TENM2: variants seen among roughly 807,000 people sequenced by gnomAD.
The protein encoded by TENM2 is teneurin transmembrane protein 2.
A neutral mutation model predicts 245.2 loss-of-function variants in TENM2; 52 were observed. The observed-to-expected ratio is 0.21, with a 90% CI of 0.17 to 0.27. The LOEUF is 0.27. TENM2 is among the 10% of genes least tolerant of loss of function. The pLI, the probability that TENM2 is intolerant of heterozygous loss-of-function variation, is 1.00. For synonymous variants in TENM2, 1,363 were observed against 1,438.9 expected, an observed-to-expected ratio of 0.95 and a Z score of 1.19; for missense variants, 3,046 against 3,666.8, an observed-to-expected ratio of 0.83 and a Z score of 4.37.
chr5:168,251,355 C>T (rs907765672), intron 27 of TENM2, among the ~76,000 whole-genome samples: 1 of 152,152 alleles, frequency 6.6e-6, no homozygotes, highest in African/African-American at 2.4e-5. Context: ...TTTCTCATTC[C>T]GGTGTTTCAT....
intron 1 of TENM2, chr5:167,287,551 A>G (rs1311888059): frequency 6.6e-6 from 1 of 152,212 alleles, no homozygotes; most frequent in African/African-American, 2.4e-5. Context: ...GTGGAAAAGA[A>G]TTGCCAGCCA....
chr5:167,975,705 A>C (rs1038181294), intron 4 of TENM2, among the ~76,000 whole-genome samples: 1 of 152,174 alleles, frequency 6.6e-6, no homozygotes, highest in Non-Finnish European at 1.5e-5. Context: ...GCTATTACAC[A>C]AACAAAGAAA....
At chr5:167,456,051 A>G (rs1022729342) in intron 2 of TENM2, among the ~76,000 whole-genome samples, 2 of 152,190 alleles carry the variant, frequency 1.3e-5, no homozygotes, top group Non-Finnish European at 2.9e-5. Flanking sequence ...AGGGACTATC[A>G]TGCTCTAAAT....
chr5:167,099,093 A>C, the TENM2 span, among the ~76,000 whole-genome samples: 1 of 152,328 alleles, frequency 6.6e-6, no homozygotes, highest in East Asian at 1.9e-4. Flanking sequence ...AACAGTGTGG[A>C]ATATGAAGCC....
the TENM2 span, among the ~76,000 whole-genome samples, chr5:167,237,002 A>G: frequency 6.6e-6 from 1 of 151,978 alleles, no homozygotes; most frequent in African/African-American, 2.4e-5. Context: ...TGTCAGAAAC[A>G]TCTCCTCTTA....
In TENM2 at chr5:168,090,675, G is replaced by A. The variant is rs777364645; in HGVS notation, c.1617G>A (p.Val539=). 1.1e-5 allele frequency: 18 copies of A among 1,613,800 alleles called. No homozygotes were observed. In the East Asian group the frequency reaches 4.0e-4, roughly 36 times the overall value. ...AGACCTTGGTTCAGAATGAAGCCGT[G>A]TTTGTGCAGTACCTGGATGTGGGCC... Residue 539 remains valine, a synonymous_variant, in exon 8 of 29, where the codon GTG becomes GTA. Coordinates refer to ENST00000518659, the Ensembl canonical transcript of TENM2.
chr5:168,017,479 C>T (rs534893488), intron 5 of TENM2, among the ~76,000 whole-genome samples: 1 of 152,336 alleles, frequency 6.6e-6, no homozygotes, highest in East Asian at 1.9e-4. Context: ...ATGTCCTTTG[C>T]TCACTTTATT....
chr5:167,899,997 G>A (rs1403805199), intron 3 of TENM2, among the ~76,000 whole-genome samples: 4 of 151,778 alleles, frequency 2.6e-5, no homozygotes, highest in Non-Finnish European at 5.9e-5. Context: ...GTTAGTTAGT[G>A]TGGCAGCTCA....
At chr5:167,838,654 T>C (rs1304542839) in intron 2 of TENM2, among the ~76,000 whole-genome samples, 1 of 152,246 alleles carries the variant, frequency 6.6e-6, no homozygotes, top group Non-Finnish European at 1.5e-5. Context: ...AGCACATTTT[T>C]CTGTGATTCC....
intron 13 of TENM2, among the ~76,000 whole-genome samples, chr5:168,180,024 G>A (rs1406204210): frequency 6.6e-6 from 1 of 152,180 alleles, no homozygotes; most frequent in East Asian, 1.9e-4. Context: ...GAGGACAGGG[G>A]CTCTGAACTG....
intron 2 of TENM2, among the ~76,000 whole-genome samples, chr5:167,554,326 G>A (rs1365385242): frequency 6.6e-6 from 1 of 152,156 alleles, no homozygotes; most frequent in Non-Finnish European, 1.5e-5. Flanking sequence ...AGACTCCTTG[G>A]AAAGACTTGA....
chr5:167,931,680 G>A (rs902586729), intron 3 of TENM2, among the ~76,000 whole-genome samples: 1 of 152,124 alleles, frequency 6.6e-6, no homozygotes, highest in Non-Finnish European at 1.5e-5. Flanking sequence ...CGTGTCAAGA[G>A]CACTGGTTTT....
At chr5:168,183,757 T>C (rs1760137899) in intron 13 of TENM2, among the ~76,000 whole-genome samples, 1 of 151,636 alleles carries the variant, frequency 6.6e-6, no homozygotes, top group African/African-American at 2.4e-5. Context: ...ACCCAGACTT[T>C]CCTTGGGGAA....
intron 2 of TENM2, among the ~76,000 whole-genome samples, chr5:167,512,093 T>G (rs1219696197): frequency 1.3e-5 from 2 of 152,178 alleles, no homozygotes; most frequent in African/African-American, 4.8e-5. Context: ...GCTCTAGATT[T>G]GAAAGCAGTT....
chr5:167,452,412 C>T (rs564980238), intron 2 of TENM2, among the ~76,000 whole-genome samples: 2 of 152,252 alleles, frequency 1.3e-5, no homozygotes, highest in Non-Finnish European at 2.9e-5. Context: ...TACCTCTTCT[C>T]TTATGGTTGG....
chr5:167,465,821 A>G (rs1442109945), intron 2 of TENM2, among the ~76,000 whole-genome samples: 1 of 132,252 alleles, frequency 7.6e-6, no homozygotes, highest in Admixed American at 7.5e-5. Context: ...ACAGAGTGAG[A>G]CTGTCTCAAA....
chr5:167,738,507 G>A (rs1178539272), intron 2 of TENM2, among the ~76,000 whole-genome samples: 1 of 152,174 alleles, frequency 6.6e-6, no homozygotes, highest in Non-Finnish European at 1.5e-5. Context: ...ACACAATGTG[G>A]ATTCTTCTTC....
the TENM2 span, among the ~76,000 whole-genome samples, chr5:167,004,041 G>T: frequency 6.6e-6 from 1 of 152,080 alleles, no homozygotes; most frequent in East Asian, 1.9e-4. Flanking sequence ...ATTAGCCTTA[G>T]GAGTAGAAAC....
chr5:167,575,847 A>C (rs923929729), intron 2 of TENM2, among the ~76,000 whole-genome samples: 1 of 152,220 alleles, frequency 6.6e-6, no homozygotes, highest in African/African-American at 2.4e-5. Flanking sequence ...GAAACTTTGC[A>C]GAATCTTGAA....
Sources: allele counts gnomAD v4.1 joint callset (sites outside exome capture counted in the v4.1 genomes callset), GRCh38; gene constraint gnomAD v4.1.1; transcripts MANE v1.5; gene names NCBI Gene and HGNC (gene_info 2026-07-23, HGNC 2026-07-21).